Variants in LEKR1 observed in about 807,000 individuals in gnomAD.
LEKR1 encodes the protein leucine, glutamate and lysine rich 1.
In LEKR1, 59 loss-of-function variants were observed where a neutral mutation model predicts 72.4. The ratio of observed to expected loss-of-function variants is 0.82; its 90% CI spans 0.66 to 1.01. The LOEUF (loss-of-function observed/expected upper bound fraction) is 1.01, where lower values mean the gene tolerates loss of function less well. Among genes scored for constraint, LEKR1 ranks in the 50% least tolerant of loss-of-function variants. LEKR1 has a pLI of 0.00. For synonymous variants in LEKR1, 257 were observed against 263.2 expected (o/e 0.98, Z 0.23); for missense variants, 728 against 759.2 (o/e 0.96, Z 0.48).
In LEKR1 at chr3:157,045,751, TC is replaced by T; in HGVS notation, c.*3del. ...TAGGAGAAGGCGGAGTCAGCAATGA[TC>T]CAAAATGAGGAGCAGGAAGCTCCCT... is the stretch of plus-strand genomic sequence containing the variant. On this transcript the variant is annotated 3_prime_UTR_variant, in exon 13 of 13. Transcript: ENST00000356539. 5 of 1,605,788 alleles carry T rather than the reference TC, an allele frequency of 3.1e-6. No homozygotes were observed. The highest frequency in any genetic ancestry group is 4.2e-6 in the Non-Finnish European group (5 of 1,179,580).
chr3:156,923,955 T>A (rs1322918686), intron 4 of LEKR1, among the ~76,000 whole-genome samples: 1 of 152,090 alleles, frequency 6.6e-6, no homozygotes, highest in Non-Finnish European at 1.5e-5. Flanking sequence ...TCTCAATCTC[T>A]TGACCTCATG....
At chr3:156,908,219 A>G (rs1396301648) in intron 3 of LEKR1, among the ~76,000 whole-genome samples, 3 of 152,096 alleles carry the variant, frequency 2.0e-5, no homozygotes, top group Non-Finnish European at 4.4e-5. Context: ...TTCCCTTCGT[A>G]ATTAATAAAT....
At chr3:157,004,320 A>C (rs1242141518) in intron 9 of LEKR1, among the ~76,000 whole-genome samples, 1 of 152,182 alleles carries the variant, frequency 6.6e-6, no homozygotes, top group Non-Finnish European at 1.5e-5. Context: ...GACCTTAAAA[A>C]TACAGGAAGC....
chr3:156,883,441 C>T (rs28445420), intron 3 of LEKR1, among the ~76,000 whole-genome samples: 2,652 of 152,134 alleles, frequency 0.017, 33 homozygotes, highest in Non-Finnish European at 0.027. Flanking sequence ...GTTGAGAAGG[C>T]GTGATTGGTT....
At chr3:157,029,794 G>GA (rs1327809911) in intron 12 of LEKR1, among the ~76,000 whole-genome samples, 1 of 152,056 alleles carries the variant, frequency 6.6e-6, no homozygotes, top group Non-Finnish European at 1.5e-5. Flanking sequence ...CTCTAGAGGA[G>GA]GGAAGCAGGA....
chr3:156,975,349 G>C (rs111548739), intron 6 of LEKR1, among the ~76,000 whole-genome samples: 1 of 151,780 alleles, frequency 6.6e-6, no homozygotes, highest in Non-Finnish European at 1.5e-5. Flanking sequence ...CTGCCTGCTT[G>C]TTCTTCCATT....
In LEKR1 at chr3:156,989,109, G is replaced by T. The variant is rs184811845; in HGVS notation, c.828-3544G>T. ...CTCCCAAAGTGCTGGGATTACAGGT[G>T]TGAGCCACCGTGCCCAGCCACTTTA... is the stretch of plus-strand genomic sequence containing the variant. On this transcript the variant is annotated intron_variant, in intron 7 of 12. Transcript: ENST00000356539. 3.8e-3 allele frequency among the ~76,000 whole-genome samples: 574 copies of T among 152,256 alleles called. 9 individuals carry two copies. The highest frequency in any genetic ancestry group is 0.013 in the African/African-American group (553 of 41,548).
rs534140087 is a variant in LEKR1 at position 156,876,851 on chromosome 3, G to A, written c.263+23869G>A. 1.2e-4 allele frequency among the ~76,000 whole-genome samples: 19 copies of A among 152,236 alleles called. No homozygotes were observed. The East Asian group carries it at 3.7e-3, about 29-fold the overall frequency. On this transcript the variant is annotated intron_variant, in intron 3 of 12. Coordinates refer to ENST00000356539, the MANE Select transcript of LEKR1 (RefSeq NM_001004316.3). ...CTGACTGCACTGGCTAGAACTTCTA[G>A]TACTATGTTGAATAGAAGTGATGAA...
chr3:156,906,760 A>C (rs1006482554), intron 3 of LEKR1, among the ~76,000 whole-genome samples: 5 of 152,230 alleles, frequency 3.3e-5, no homozygotes, highest in African/African-American at 7.2e-5. Flanking sequence ...CAGAGAGTTT[A>C]GTTAGATGGC....
intron 5 of LEKR1, among the ~76,000 whole-genome samples, chr3:156,932,482 G>T (rs1198038095): frequency 6.6e-6 from 1 of 152,070 alleles, no homozygotes; most frequent in Non-Finnish European, 1.5e-5. Flanking sequence ...GGAGACTGAG[G>T]CAAGTCAATA....
At chr3:156,889,711 T>A (rs1276068897) in intron 3 of LEKR1, among the ~76,000 whole-genome samples, 1 of 152,238 alleles carries the variant, frequency 6.6e-6, no homozygotes, top group East Asian at 1.9e-4. Context: ...TTGTGGTTTT[T>A]AGCTGCTACT....
At chr3:157,015,646 T>C (rs1433253536) in intron 10 of LEKR1, among the ~76,000 whole-genome samples, 2 of 152,102 alleles carry the variant, frequency 1.3e-5, no homozygotes, top group Admixed American at 1.3e-4. Context: ...CCGAACAAGG[T>C]AAGTTAACAA....
At chr3:156,917,767 G>A (rs1283762805) in intron 3 of LEKR1, among the ~76,000 whole-genome samples, 2 of 152,040 alleles carry the variant, frequency 1.3e-5, no homozygotes, top group African/African-American at 2.4e-5. Flanking sequence ...AAACCAAGAA[G>A]GAATAAAACT....
At chr3:156,951,125 T>C (rs978543302) in intron 6 of LEKR1, among the ~76,000 whole-genome samples, 3 of 151,784 alleles carry the variant, frequency 2.0e-5, no homozygotes, top group Non-Finnish European at 4.4e-5. Flanking sequence ...GATAATCATG[T>C]GGTTTTTTTC....
Position 157,024,818 on chromosome 3 carries a change from C to G in LEKR1, c.1262C>G (p.Ala421Gly), listed in dbSNP as rs1213694553. Residue 421 changes from alanine to glycine, a missense_variant, in exon 11 of 13, where the codon GCT becomes GGT. Ala to Gly is a moderately conservative substitution (Grantham distance 60, BLOSUM62 0). Coordinates refer to ENST00000356539, the MANE Select transcript of LEKR1 (RefSeq NM_001004316.3). ...AQHLVEFEEQ[A>G]LLFKEETKLQ... is the part of the protein sequence containing the mutation. ...CACTTGGTTGAATTTGAAGAGCAAG[C>G]TCTTCTCTTTAAGGAAGAAACAAAA... 4.3e-6 allele frequency: 7 copies of G among 1,612,050 alleles called. No homozygotes were observed. The African/African-American group carries it at 8.0e-5, about 18-fold the overall frequency.
At chr3:157,010,639 G>C (rs1424631267) in intron 9 of LEKR1, among the ~76,000 whole-genome samples, 1 of 152,018 alleles carries the variant, frequency 6.6e-6, no homozygotes, top group African/African-American at 2.4e-5. Context: ...CATGAGAAGA[G>C]TCATAGTGAT....
At chr3:157,002,423 G>A (rs567873433) in intron 9 of LEKR1, among the ~76,000 whole-genome samples, 5 of 151,978 alleles carry the variant, frequency 3.3e-5, no homozygotes, top group African/African-American at 1.2e-4. Context: ...GCAGCCCCAT[G>A]GTTGTACTGT....
chr3:157,034,065 C>T (rs1172074587), intron 12 of LEKR1, among the ~76,000 whole-genome samples: 1 of 145,334 alleles, frequency 6.9e-6, no homozygotes, highest in African/African-American at 2.5e-5. Flanking sequence ...AAAAAAAAAT[C>T]CCTTTCAAAA....
chr3:156,872,274 T>C (rs1169193102), intron 3 of LEKR1, among the ~76,000 whole-genome samples: 1 of 152,022 alleles, frequency 6.6e-6, no homozygotes, highest in Non-Finnish European at 1.5e-5. Flanking sequence ...TGGTATCAGT[T>C]GTAACATCTT....
Sources: gnomAD v4.1 joint callset for allele counts (sites outside exome capture counted in the v4.1 genomes callset) on GRCh38, gnomAD v4.1.1 for gene constraint, MANE v1.5 for transcripts, NCBI Gene and HGNC (gene_info 2026-07-23, HGNC 2026-07-21) for gene names.